Variants in ANKRD42 observed in about 807,000 individuals in gnomAD.
ANKRD42 encodes ankyrin repeat domain 42.
Under a neutral mutation model 51.5 loss-of-function variants are expected in ANKRD42, and 43 were observed. The observed-to-expected ratio is 0.83, with a 90% CI of 0.65 to 1.08. The LOEUF (loss-of-function observed/expected upper bound fraction) is 1.08, where lower values mean the gene tolerates loss of function less well. Among genes scored for constraint, ANKRD42 ranks in the 50% least tolerant of loss-of-function variants. The probability of loss-of-function intolerance (pLI) is 0.00; values close to 1 mark genes in which losing one functional copy is unlikely to be tolerated. For synonymous variants in ANKRD42, 203 were observed against 213.0 expected (o/e 0.95, Z 0.41); for missense variants, 608 against 629.3 (o/e 0.97, Z 0.36).
rs76961031 is a variant in ANKRD42, at chr11:83,197,128, G to A, written c.59-1351G>A. On this transcript the variant is annotated intron_variant, in intron 1 of 10. Transcript: ENST00000533342. ...ATGTGCACACCTTACAGATGCTCTC[G>A]TTCCCATTTGCCATATATCTTAATT... Among the ~76,000 whole-genome samples the A allele has an allele frequency of 1.4e-3, 214 of 151,126 alleles. 1 individual carries two copies. Among genetic ancestry groups the A allele is most frequent in the East Asian group, 6.4e-3 (33 of 5,184 alleles).
rs1207927300 is a variant in ANKRD42 at position 83,193,909 on chromosome 11, G to A, written c.-762G>A. The A allele has an allele frequency of 2.2e-6, 1 of 454,330 alleles. No individual in the cohort carries two copies. Among genetic ancestry groups the A allele is most frequent in the Non-Finnish European group, 4.4e-6 (1 of 225,288 alleles). The allele number at this position is 454,330 out of a possible 1,614,324, so 28.1% of individuals were successfully genotyped here. ...AAACGGTCTACACGGCCATTCCGGCGCCGAGTCTAGGGAAAGAGTTAGCGA... is the reference window on the plus strand; with the variant it reads ...AAACGGTCTACACGGCCATTCCGGCACCGAGTCTAGGGAAAGAGTTAGCGA... On this transcript the variant is annotated 5_prime_UTR_variant, in exon 1 of 11. Transcript: ENST00000533342.
chr11:83,225,175 A>T, intron 6 of ANKRD42, 120 bp downstream of exon 6: 1 of 766,832 alleles, frequency 1.3e-6, no homozygotes, highest in Non-Finnish European at 2.0e-6. Context: ...CGTTATATGT[A>T]AAAATATAAA....
At chr11:83,211,649 TAAAAG>T (rs1228880714) in intron 5 of ANKRD42, among the ~76,000 whole-genome samples, 2 of 144,884 alleles carry the variant, frequency 1.4e-5, no homozygotes, top group Non-Finnish European at 3.0e-5. Context: ...AAAAAAAAAG[TAAAAG>T]AAAGAAAAAA....
At chr11:83,198,802 A>G (rs906757444) in intron 2 of ANKRD42, among the ~76,000 whole-genome samples, 160 bp downstream of exon 2, 5 of 152,206 alleles carry the variant, frequency 3.3e-5, no homozygotes, top group African/African-American at 1.2e-4. Context: ...CTAGGGCTTT[A>G]TAACAAATTA....
At chr11:83,215,878 A>G (rs748109166) in intron 5 of ANKRD42, among the ~76,000 whole-genome samples, 14 of 151,508 alleles carry the variant, frequency 9.2e-5, no homozygotes, top group Non-Finnish European at 1.2e-4. Flanking sequence ...TCACTGCAAC[A>G]TTCTCCTCCT....
chr11:83,214,302 G>A (rs1862443774), intron 5 of ANKRD42: 1 of 462,634 alleles, frequency 2.2e-6, no homozygotes, highest in East Asian at 1.6e-4. Flanking sequence ...TTATCTGTTA[G>A]AAATTTTATT....
chr11:83,224,077 T>A (rs1239844897), intron 5 of ANKRD42, among the ~76,000 whole-genome samples: 1 of 152,084 alleles, frequency 6.6e-6, no homozygotes, highest in Admixed American at 6.5e-5. Context: ...TAGTTTTTTA[T>A]AGCTTTAAAA....
intron 10 of ANKRD42, among the ~76,000 whole-genome samples, chr11:83,247,440 A>G (rs947447429): frequency 4.6e-5 from 7 of 151,934 alleles, no homozygotes; most frequent in African/African-American, 1.7e-4. Flanking sequence ...GCATCCTTCT[A>G]CTTTAGGGCC....
chr11:83,225,605 A>G lies in ANKRD42; in HGVS notation c.787+550A>G, dbSNP rs182141711. Among the ~76,000 whole-genome samples the G allele has an allele frequency of 1.9e-4, 29 of 151,638 alleles. No homozygotes were observed. The East Asian group carries it at 5.4e-3, about 28-fold the overall frequency. On this transcript the variant is annotated intron_variant, in intron 6 of 10. Transcript: ENST00000533342. Reference sequence around the variant, plus strand: ...AAAAGATTAACATAATGAGCAGTGAATCACTAAATTTAAGAATAAAATATA... The same window carrying G: ...AAAAGATTAACATAATGAGCAGTGAGTCACTAAATTTAAGAATAAAATATA...
At chr11:83,229,836 T>G (rs564780871) in intron 7 of ANKRD42, among the ~76,000 whole-genome samples, 14 of 152,050 alleles carry the variant, frequency 9.2e-5, no homozygotes, top group Non-Finnish European at 1.9e-4. Context: ...TGGGGGACAT[T>G]TACCTTTTCT....
Position 83,210,339 on chromosome 11 carries a change from G to T in ANKRD42, c.370G>T (p.Asp124Tyr). 1.2e-6 allele frequency: 2 copies of T among 1,613,850 alleles called. No homozygotes were observed. The highest frequency in any genetic ancestry group is 2.2e-5 in the South Asian group (2 of 91,044). The change falls in exon 4 of 11, where the codon GAC becomes TAC. Residue 124 changes from aspartate (D) to tyrosine (Y), a missense_variant. Coordinates refer to ENST00000533342, the MANE Select transcript of ANKRD42 (RefSeq NM_001300975.2). ...MNGANLTAQDDRGCTPLHLAA... is the reference protein window; with the variant it reads ...MNGANLTAQDYRGCTPLHLAA... ...TGGAGCAAATCTGACAGCCCAGGAT[G>T]ACCGGGGATGCACTCCTTTACATCT...
intron 2 of ANKRD42, among the ~76,000 whole-genome samples, chr11:83,199,219 G>A (rs1011098250): frequency 1.3e-5 from 2 of 152,146 alleles, no homozygotes; most frequent in East Asian, 1.9e-4. Context: ...TACATTTGAA[G>A]TCCCTAAGTA....
intron 5 of ANKRD42, among the ~76,000 whole-genome samples, chr11:83,222,711 A>AGG (rs960115831): frequency 5.2e-4 from 79 of 152,300 alleles, no homozygotes; most frequent in African/African-American, 1.8e-3. Context: ...AACAGAAGTG[A>AGG]GGGGGTGAGT....
intron 5 of ANKRD42, chr11:83,213,539 A>T (rs1462633201): frequency 1.6e-6 from 2 of 1,277,710 alleles, no homozygotes; most frequent in Admixed American, 3.6e-5. Flanking sequence ...CCATTTTCAC[A>T]TATGGTATTA....
intron 8 of ANKRD42, among the ~76,000 whole-genome samples, chr11:83,236,964 T>G (rs1398486562): frequency 6.6e-6 from 1 of 152,250 alleles, no homozygotes; most frequent in East Asian, 1.9e-4. Context: ...AAACATATTT[T>G]GCAATTTACA....
At chr11:83,250,197 G>T (rs2135562782), downstream of ANKRD42, among the ~76,000 whole-genome samples, 1 of 152,090 alleles carries the variant, frequency 6.6e-6, no homozygotes. Context: ...TTCTGGTCAG[G>T]ACCTATGATT....
chr11:83,261,690 T>C (rs1863933234), downstream of ANKRD42: 4 of 346,974 alleles, frequency 1.2e-5, no homozygotes, highest in Middle Eastern at 6.0e-4. Flanking sequence ...CAGGTCTGAG[T>C]GACAGCTTTT....
intron 2 of ANKRD42, among the ~76,000 whole-genome samples, chr11:83,199,405 T>C (rs146744846): frequency 3.3e-5 from 5 of 152,332 alleles, no homozygotes; most frequent in African/African-American, 1.2e-4. Context: ...CTTTAGCTTT[T>C]TTTTGTTCAA....
downstream of ANKRD42, among the ~76,000 whole-genome samples, chr11:83,251,908 C>T (rs1863681699): frequency 6.6e-6 from 1 of 152,098 alleles, no homozygotes; most frequent in South Asian, 2.1e-4. Flanking sequence ...GTAGACTGGA[C>T]TTCATTAAAA....
Sources: gnomAD v4.1 joint callset for allele counts (sites outside exome capture counted in the v4.1 genomes callset) on GRCh38, gnomAD v4.1.1 for gene constraint, MANE v1.5 for transcripts, NCBI Gene and HGNC (gene_info 2026-07-23, HGNC 2026-07-21) for gene names.